The following ARRDC1 variants were observed in gnomAD, a reference collection of about 807,000 sequenced individuals.
ARRDC1 encodes the protein arrestin domain-containing protein 1.
Under a neutral mutation model 40.1 loss-of-function variants are expected in ARRDC1, and 37 were observed. The observed-to-expected ratio is 0.92, with a 90% confidence interval of 0.71 to 1.21. ARRDC1 has a LOEUF of 1.21. Ranked by LOEUF, ARRDC1 falls within the 50% of genes most tolerant of loss-of-function variation. ARRDC1 has a pLI of 0.00. For synonymous variants in ARRDC1, 310 were observed against 262.5 expected, an observed-to-expected ratio of 1.18 and a Z score of -1.75; for missense variants, 641 against 581.9, an observed-to-expected ratio of 1.10 and a Z score of -1.04.
intron 1 of ARRDC1, chr9:137,611,666 C>CA (rs112387098): frequency 0.11 from 16,924 of 152,376 alleles, 3,006 homozygotes; most frequent in African/African-American, 0.38. Context: ...TGGCAGCGCC[C>CA]GGGGGTAGAG....
At chr9:137,606,291 C>T (rs974624212) in intron 1 of ARRDC1, among the ~76,000 whole-genome samples, 2 of 152,126 alleles carry the variant, frequency 1.3e-5, no homozygotes, top group Non-Finnish European at 2.9e-5. Flanking sequence ...GCCTCGCCGG[C>T]CCCCCGCCGA....
Position 137,605,742 on chromosome 9 carries a change from A to G in ARRDC1, c.25A>G (p.Ile9Val), listed in dbSNP as rs919158801. The change falls in exon 1 of 8, where the codon ATC becomes GTC. Residue 9 changes from isoleucine (I) to valine (V), a missense_variant. By Grantham distance (29) the Ile-to-Val change is conservative (BLOSUM62 3). Transcript: ENST00000371421. MGRVQLFE[I>V]SLSHGRVVYS... The stretch of plus-strand genomic sequence containing the variant: ...CATGGGGCGAGTGCAGCTCTTCGAG[A>G]TCAGCCTGAGCCACGGCCGCGTCGT... 1 of 1,385,998 alleles carries G rather than the reference A, an allele frequency of 7.2e-7. No individual in the cohort carries two copies. Among genetic ancestry groups the G allele is most frequent in the Non-Finnish European group, 9.4e-7 (1 of 1,066,474 alleles). 85.9% of individuals were successfully genotyped at this position (1,385,998 alleles called of 1,614,324 possible).
At chr9:137,612,521 T>G in intron 1 of ARRDC1, 1 of 250,728 alleles carries the variant, frequency 4.0e-6, no homozygotes, top group Non-Finnish European at 7.9e-6. Context: ...AGCAAGAAGA[T>G]GCGCCCCTTG....
chr9:137,613,738 C>T lies in ARRDC1; in HGVS notation c.404C>T (p.Pro135Leu). The T allele has an allele frequency of 6.2e-7, 1 of 1,614,190 alleles. No homozygotes were observed. Among genetic ancestry groups the T allele is most frequent in the African/African-American group, 1.3e-5 (1 of 75,062 alleles). ...AGCCTCGTGTTCTATATCTTGAGCC[C>T]CTTGAACCTGAACAGCATCCCAGAC... ...KCSLVFYILSPLNLNSIPDIE... is the reference protein window; with the variant it reads ...KCSLVFYILSLLNLNSIPDIE... The change falls in exon 4 of 8, where the codon CCC becomes CTC. Residue 135 changes from proline (P) to leucine (L), a missense_variant. Transcript: ENST00000371421.
At position 137,615,222 on chromosome 9, in the gene ARRDC1, G is replaced by C; in HGVS notation, c.*84G>C. 7.6e-7 allele frequency: 1 copy of C among 1,312,460 alleles called. No homozygotes were observed. Among genetic ancestry groups the C allele is most frequent in the Non-Finnish European group, 1.0e-6 (1 of 988,548 alleles). 81.3% of individuals were successfully genotyped at this position (1,312,460 alleles called of 1,614,324 possible). ...GCCTCGTGCCTTCTCTCTTGGCCTA[G>C]CCTGGCCCACTCAGGACCTGCCCAG... On this transcript the variant is annotated 3_prime_UTR_variant, in exon 8 of 8. Coordinates refer to ENST00000371421, the MANE Select transcript of ARRDC1 (RefSeq NM_152285.4).
Position 137,614,721 on chromosome 9 carries a change from G to A in ARRDC1, c.958G>A (p.Glu320Lys), listed in dbSNP as rs1842631078. 1 of 1,609,668 alleles carries A rather than the reference G, an allele frequency of 6.2e-7. No homozygotes were observed. Among genetic ancestry groups the A allele is most frequent in the Non-Finnish European group, 8.5e-7 (1 of 1,178,362 alleles). ...SAPPQEEAEA[E>K]AAAGGPHFLD... ...ACCACCCCAGGAGGAGGCTGAGGCT[G>A]AGGCTGCGGCTGGCGGCCCCCACTT... is the stretch of plus-strand genomic sequence containing the variant. Residue 320 changes from glutamate to lysine, a missense_variant, in exon 7 of 8, where the codon GAG becomes AAG. Transcript: ENST00000371421.
At chr9:137,611,573 AC>A (rs1842519636) in intron 1 of ARRDC1, 1 of 144,676 alleles carries the variant, frequency 6.9e-6, no homozygotes, top group Admixed American at 7.5e-5. Flanking sequence ...AACAACAACA[AC>A]AACAACAACA....
At chr9:137,609,273 C>A (rs1009950887) in intron 1 of ARRDC1, among the ~76,000 whole-genome samples, 2 of 152,076 alleles carry the variant, frequency 1.3e-5, no homozygotes, top group African/African-American at 4.8e-5. Context: ...CTCTTGTTAC[C>A]CAGGCTGGAG....
At chr9:137,609,157 G>C (rs1842471218) in intron 1 of ARRDC1, among the ~76,000 whole-genome samples, 1 of 152,178 alleles carries the variant, frequency 6.6e-6, no homozygotes, top group East Asian at 1.9e-4. Context: ...CTCTTTGCCA[G>C]AACCTCGTAC....
rs1191068757 is a variant in ARRDC1, at chr9:137,614,464, T to G, written c.784T>G (p.Tyr262Asp). 2 of 1,613,222 alleles carry G rather than the reference T, an allele frequency of 1.2e-6. No individual in the cohort carries two copies. The highest frequency in any genetic ancestry group is 1.7e-6 in the Non-Finnish European group (2 of 1,179,942). Residue 262 changes from tyrosine (Y) to aspartate (D), a missense_variant, in exon 6 of 8, where the codon TAC becomes GAC. Physicochemically the swap from Tyr to Asp is radical, Grantham distance 160. Coordinates refer to ENST00000371421, the MANE Select transcript of ARRDC1 (RefSeq NM_152285.4). ...GGGCTGCAGCCTCATCCACATCGAC[T>G]ACTACTTACAGGTTTGGTGCTGCTG... ...LPGCSLIHID[Y>D]YLQVSLKAPE...
chr9:137,614,733 G>C lies in ARRDC1; in HGVS notation c.970G>C (p.Gly324Arg). Residue 324 changes from glycine to arginine, a missense_variant, in exon 7 of 8, where the codon GGC (glycine) becomes CGC (arginine). Transcript: ENST00000371421. The stretch of plus-strand genomic sequence containing the variant: ...GGAGGCTGAGGCTGAGGCTGCGGCT[G>C]GCGGCCCCCACTTCTTGGACCCCGT... ...QEEAEAEAAAGGPHFLDPVFL... is the reference protein window; with the variant it reads ...QEEAEAEAAARGPHFLDPVFL... 1 of 1,608,696 alleles carries C rather than the reference G, an allele frequency of 6.2e-7. No homozygotes were observed. Among genetic ancestry groups the C allele is most frequent in the South Asian group, 1.1e-5 (1 of 90,798 alleles).
Position 137,614,693 on chromosome 9 carries a change from C to T in ARRDC1, c.930C>T (p.Ser310=), listed in dbSNP as rs140203982. ...PPGAPPLVVP[S]APPQEEAEAE... is the part of the protein sequence containing the mutation. Reference sequence around the variant, plus strand: ...GGGCCCCACCCCTGGTGGTGCCTTCCGCACCACCCCAGGAGGAGGCTGAGG... The same window carrying T: ...GGGCCCCACCCCTGGTGGTGCCTTCTGCACCACCCCAGGAGGAGGCTGAGG... Residue 310 remains serine, a synonymous_variant, in exon 7 of 8, where the codon TCC becomes TCT. Coordinates refer to ENST00000371421, the MANE Select transcript of ARRDC1 (RefSeq NM_152285.4). The T allele has an allele frequency of 3.3e-5, 53 of 1,611,330 alleles. No homozygotes were observed. Among genetic ancestry groups the T allele is most frequent in the Admixed American group, 1.5e-4 (9 of 59,512 alleles).
chr9:137,608,564 A>T (rs1258643267), intron 1 of ARRDC1, among the ~76,000 whole-genome samples: 4 of 152,072 alleles, frequency 2.6e-5, no homozygotes, highest in Non-Finnish European at 5.9e-5. Flanking sequence ...CTCACAATGG[A>T]CCCCATGTAT....
rs1199688763 is a variant in ARRDC1 at position 137,605,878 on chromosome 9, C to T, written c.118+43C>T. The T allele has an allele frequency of 2.1e-5, 24 of 1,148,574 alleles. No individual in the cohort carries two copies. The East Asian group carries it at 8.2e-4, about 39-fold the overall frequency. The allele number at this position is 1,148,574 out of a possible 1,614,324, so 71.1% of individuals were successfully genotyped here. On this transcript the variant is annotated intron_variant, in intron 1 of 7. Transcript: ENST00000371421. Reference sequence around the variant, plus strand: ...GGGAGGGCCTTTGGCCGCACCTGCGCGGGGCCAGGGCTCCCGGAAGCGGCT... The same window carrying T: ...GGGAGGGCCTTTGGCCGCACCTGCGTGGGGCCAGGGCTCCCGGAAGCGGCT...
intron 4 of ARRDC1, 90 bp from the exon 5 acceptor site, chr9:137,613,942 G>C (rs1219291726): frequency 1.3e-6 from 2 of 1,560,088 alleles, no homozygotes; most frequent in African/African-American, 2.7e-5. Flanking sequence ...TCCAGGGGCA[G>C]GGCGTGGCAG....
Position 137,613,456 on chromosome 9 carries a change from G to A in ARRDC1, c.230-4G>A. The A allele has an allele frequency of 6.2e-7, 1 of 1,611,076 alleles. No individual in the cohort carries two copies. Among genetic ancestry groups the A allele is most frequent in the Admixed American group, 1.7e-5 (1 of 59,914 alleles). ...TGCCCCCCACCTCCCTCCTGTCTCT[G>A]CAGGGAGCCTGCCCGCTGGAGAGCA... On this transcript the variant is annotated splice_polypyrimidine_tract_variant and splice_region_variant and intron_variant, in intron 2 of 7. Coordinates refer to ENST00000371421, the MANE Select transcript of ARRDC1 (RefSeq NM_152285.4).
intron 1 of ARRDC1, among the ~76,000 whole-genome samples, chr9:137,609,866 A>G (rs1042686718): frequency 1.3e-5 from 2 of 151,702 alleles, no homozygotes; most frequent in Non-Finnish European, 2.9e-5. Flanking sequence ...ATGGATTGAA[A>G]TGGTAGGTCA....
intron 1 of ARRDC1, among the ~76,000 whole-genome samples, chr9:137,609,726 G>T (rs1365881776): frequency 6.6e-6 from 1 of 151,850 alleles, no homozygotes; most frequent in Non-Finnish European, 1.5e-5. Context: ...GGGTTTCACC[G>T]TGTTACCTAG....
rs1842653105 is a variant in ARRDC1 at position 137,615,270 on chromosome 9, C to T, written c.*132C>T. On this transcript the variant is annotated 3_prime_UTR_variant, in exon 8 of 8. Coordinates refer to ENST00000371421, the MANE Select transcript of ARRDC1 (RefSeq NM_152285.4). Reference sequence around the variant, plus strand: ...CAGCCTCTGCCAGCTCCTCTGGCATCCGCCCTCTTCTCCCTGGGGCTGGGG... The same window carrying T: ...CAGCCTCTGCCAGCTCCTCTGGCATTCGCCCTCTTCTCCCTGGGGCTGGGG... 4.7e-6 allele frequency: 4 copies of T among 849,128 alleles called. No homozygotes were observed. Among genetic ancestry groups the T allele is most frequent in the Admixed American group, 3.5e-5 (1 of 28,532 alleles). 52.6% of individuals were successfully genotyped at this position (849,128 alleles called of 1,614,324 possible).
Sources: gnomAD v4.1 joint callset for allele counts (sites outside exome capture counted in the v4.1 genomes callset) on GRCh38, gnomAD v4.1.1 for gene constraint, MANE v1.5 for transcripts, NCBI Gene and HGNC (gene_info 2026-07-23, HGNC 2026-07-21) for gene names.